The following AXDND1 variants were observed in gnomAD, a reference collection of about 807,000 sequenced individuals.
AXDND1 encodes axonemal dynein light chain domain-containing protein 1.
In AXDND1, 110 loss-of-function variants were observed where a neutral mutation model predicts 137.5. The ratio of observed to expected loss-of-function variants is 0.80; its 90% CI spans 0.69 to 0.94. The LOEUF (loss-of-function observed/expected upper bound fraction) is 0.94. Ranked by LOEUF, AXDND1 falls within the 40% of genes least tolerant of loss-of-function variation. AXDND1 has a pLI of 0.00. For synonymous variants in AXDND1, 414 were observed against 399.7 expected (o/e 1.04, Z -0.43); for missense variants, 1,191 against 1,169.8 (o/e 1.02, Z -0.26).
intron 20 of AXDND1, among the ~76,000 whole-genome samples, chr1:179,503,801 G>A (rs1445013414): frequency 1.3e-5 from 2 of 151,932 alleles, no homozygotes; most frequent in Admixed American, 6.6e-5. Flanking sequence ...TTGAGAACAC[G>A]CGGTGTTTGC....
intron 4 of AXDND1, among the ~76,000 whole-genome samples, chr1:179,370,762 A>C (rs895197365): frequency 6.6e-6 from 1 of 152,228 alleles, no homozygotes; most frequent in Non-Finnish European, 1.5e-5. Flanking sequence ...TACACTTAAC[A>C]TACTTGAGTA....
chr1:179,496,793 T>C (rs1049655429), intron 20 of AXDND1, among the ~76,000 whole-genome samples: 1 of 152,080 alleles, frequency 6.6e-6, no homozygotes, highest in African/African-American at 2.4e-5. Context: ...GCTGAGATTA[T>C]TGATTTGAGA....
chr1:179,391,972 T>C (rs1431773106), intron 9 of AXDND1, among the ~76,000 whole-genome samples: 2 of 152,206 alleles, frequency 1.3e-5, no homozygotes, highest in African/African-American at 4.8e-5. Context: ...CCTCCCCAGC[T>C]CTGTGGAACT....
chr1:179,385,216 T>C, intron 8 of AXDND1, 22 bp from the exon 9 acceptor site: 2 of 1,597,970 alleles, frequency 1.3e-6, no homozygotes, highest in East Asian at 4.5e-5. Context: ...AAGTACTGAT[T>C]ATGTTACTTA....
intron 20 of AXDND1, among the ~76,000 whole-genome samples, chr1:179,500,756 C>T (rs1174998330): frequency 6.6e-6 from 1 of 152,234 alleles, no homozygotes; most frequent in Non-Finnish European, 1.5e-5. Context: ...CTCTTGAACT[C>T]TGCCTCTCGG....
chr1:179,546,052 CCAAA>C (rs1448530355), intron 25 of AXDND1: 2 of 152,312 alleles, frequency 1.3e-5, no homozygotes, highest in African/African-American at 4.8e-5. Flanking sequence ...AGTGCTACCA[CCAAA>C]CAAACACCAA....
intron 20 of AXDND1, among the ~76,000 whole-genome samples, chr1:179,495,455 T>C (rs1667347309): frequency 6.6e-6 from 1 of 152,146 alleles, no homozygotes; most frequent in African/African-American, 2.4e-5. Context: ...CTATACATGG[T>C]ATTATTTTAT....
rs1667740042 is a variant in AXDND1, at chr1:179,368,883, AAAG to A, written c.185_187del (p.Glu62del). On this transcript the variant is annotated inframe_deletion, in exon 3 of 26. Transcript: ENST00000367618. ...TTCCCTTCAGAATGAGTTCATTCCC[AAAG>A]AAGTTCTTCTTTCTCTGACCTATGC... is the stretch of plus-strand genomic sequence containing the variant. The A allele has an allele frequency of 6.2e-7, 1 of 1,613,906 alleles. No homozygotes were observed. The highest frequency in any genetic ancestry group is 2.2e-5 in the East Asian group (1 of 44,872).
At chr1:179,417,710 C>T (rs1278090582) in intron 12 of AXDND1, among the ~76,000 whole-genome samples, 1 of 151,464 alleles carries the variant, frequency 6.6e-6, no homozygotes, top group Non-Finnish European at 1.5e-5. Context: ...TTTTGTGGTT[C>T]CATATAGATT....
At position 179,497,280 on chromosome 1, in the gene AXDND1, C is replaced by G. The variant is rs560631151; in HGVS notation, c.2388+4329C>G. On this transcript the variant is annotated intron_variant, in intron 20 of 25. Coordinates refer to ENST00000367618, the MANE Select transcript of AXDND1 (RefSeq NM_144696.6). ...TCAGAGAGGAGTATTGAAACCTTGA[C>G]TATAATTATGTTTTGTTTATTTTCT... Among the ~76,000 whole-genome samples, 18 of 152,190 alleles carry G rather than the reference C, an allele frequency of 1.2e-4. No individual in the cohort carries two copies. The East Asian group carries it at 3.3e-3, about 28-fold the overall frequency.
At chr1:179,482,915 G>A (rs1483886228) in intron 17 of AXDND1, among the ~76,000 whole-genome samples, 1 of 150,896 alleles carries the variant, frequency 6.6e-6, no homozygotes, top group Non-Finnish European at 1.5e-5. Flanking sequence ...AGTGCATCTT[G>A]CTACCTACTT....
At chr1:179,417,698 C>G (rs975996192) in intron 12 of AXDND1, among the ~76,000 whole-genome samples, 1 of 151,444 alleles carries the variant, frequency 6.6e-6, no homozygotes, top group African/African-American at 2.4e-5. Flanking sequence ...TTATTTGGGG[C>G]CTTTTGTGGT....
At chr1:179,377,063 C>T (rs1410739839) in intron 4 of AXDND1, among the ~76,000 whole-genome samples, 1 of 152,168 alleles carries the variant, frequency 6.6e-6, no homozygotes, top group African/African-American at 2.4e-5. Context: ...TCCCAAGCAG[C>T]TGGGACTATA....
intron 11 of AXDND1, among the ~76,000 whole-genome samples, chr1:179,400,924 A>G (rs1479299069): frequency 3.8e-4 from 56 of 146,280 alleles, no homozygotes; most frequent in South Asian, 8.5e-4. Flanking sequence ...AAAAAAAAAA[A>G]AAAGAAAAAA....
intron 16 of AXDND1, among the ~76,000 whole-genome samples, chr1:179,468,233 G>T (rs983999791): frequency 6.6e-6 from 1 of 152,138 alleles, no homozygotes; most frequent in Admixed American, 6.5e-5. Context: ...AAAATAATTT[G>T]TTAGTCATTA....
chr1:179,416,334 G>A (rs977097506), intron 12 of AXDND1, among the ~76,000 whole-genome samples: 7 of 152,118 alleles, frequency 4.6e-5, no homozygotes, highest in African/African-American at 9.7e-5. Context: ...TTATTCATTC[G>A]TTGGTGGGCA....
rs1339798379 is a variant in AXDND1, at chr1:179,491,787, A to G, written c.2291+50A>G. ...CCTTTTGAAGAATTGAATGTCGCATATAACAGAGAAGAGACAGTGAAGTAG... is the reference window on the plus strand; with the variant it reads ...CCTTTTGAAGAATTGAATGTCGCATGTAACAGAGAAGAGACAGTGAAGTAG... On this transcript the variant is annotated intron_variant, in intron 19 of 25. Transcript: ENST00000367618. 33 of 1,430,208 alleles carry G rather than the reference A, an allele frequency of 2.3e-5. 2 individuals carry two copies. In the Admixed American group the frequency reaches 7.3e-4, roughly 32 times the overall value. 88.6% of individuals were successfully genotyped at this position (1,430,208 alleles called of 1,614,324 possible).
intron 11 of AXDND1, among the ~76,000 whole-genome samples, chr1:179,410,320 C>A (rs1653673530): frequency 6.6e-6 from 1 of 152,000 alleles, no homozygotes; most frequent in South Asian, 2.1e-4. Flanking sequence ...AACCTCTGCC[C>A]CCCAGGTTCA....
At chr1:179,424,895 T>G (rs1265406143) in intron 12 of AXDND1, among the ~76,000 whole-genome samples, 2 of 152,324 alleles carry the variant, frequency 1.3e-5, no homozygotes, top group East Asian at 3.9e-4. Flanking sequence ...TTTTATTTTT[T>G]TATTATTTCA....
Sources: allele counts gnomAD v4.1 joint callset (sites outside exome capture counted in the v4.1 genomes callset), GRCh38; gene constraint gnomAD v4.1.1; transcripts MANE v1.5; gene names NCBI Gene and HGNC (gene_info 2026-07-23, HGNC 2026-07-21).